LMBR1: variants seen among roughly 807,000 people sequenced by gnomAD.
LMBR1 encodes limb development membrane protein 1.
Under a neutral mutation model 73.9 loss-of-function variants are expected in LMBR1, and 52 were observed. That is an observed-to-expected ratio of 0.70 (90% CI 0.56 to 0.89). The LOEUF is 0.89. LMBR1 is among the 40% of genes least tolerant of loss of function. The probability of loss-of-function intolerance (pLI) is 0.00; values close to 1 mark genes in which losing one functional copy is unlikely to be tolerated. For synonymous variants in LMBR1, 215 were observed against 209.4 expected, an observed-to-expected ratio of 1.03 and a Z score of -0.23; for missense variants, 539 against 579.8, an observed-to-expected ratio of 0.93 and a Z score of 0.72.
chr7:156,671,339 A>T (rs187025331), intron 4 of LMBR1, among the ~76,000 whole-genome samples: 12 of 152,292 alleles, frequency 7.9e-5, no homozygotes, highest in East Asian at 3.9e-4. Flanking sequence ...TGTGTGTGTG[A>T]GTGTGGTAAC....
chr7:156,839,849 A>G (rs1373622816), intron 1 of LMBR1, among the ~76,000 whole-genome samples: 1 of 152,246 alleles, frequency 6.6e-6, no homozygotes, highest in African/African-American at 2.4e-5. Context: ...AAATGTCAAC[A>G]GCATCGCTAC....
chr7:156,780,781 T>G (rs1476236454), intron 5 of LMBR1, among the ~76,000 whole-genome samples: 1 of 152,192 alleles, frequency 6.6e-6, no homozygotes, highest in East Asian at 1.9e-4. Context: ...CAGAATTCAC[T>G]TTCAATTCAG....
intron 1 of LMBR1, among the ~76,000 whole-genome samples, chr7:156,865,705 A>T (rs1233201336): frequency 6.6e-6 from 1 of 152,212 alleles, no homozygotes; most frequent in Non-Finnish European, 1.5e-5. Context: ...TTGTCAAGAC[A>T]GTGTAGTACT....
chr7:156,770,585 AG>A (rs1277899615), intron 5 of LMBR1, among the ~76,000 whole-genome samples: 2 of 152,200 alleles, frequency 1.3e-5, no homozygotes, highest in Non-Finnish European at 2.9e-5. Flanking sequence ...AATTTGTAAA[AG>A]GAACAACAAA....
intron 1 of LMBR1, among the ~76,000 whole-genome samples, chr7:156,837,197 G>A (rs1837796310): frequency 6.6e-6 from 1 of 151,652 alleles, no homozygotes; most frequent in Non-Finnish European, 1.5e-5. Context: ...AGCAGGGCAT[G>A]GTGGCGGTGC....
chr7:156,784,732 A>G (rs1196978341), intron 5 of LMBR1, among the ~76,000 whole-genome samples: 1 of 152,228 alleles, frequency 6.6e-6, no homozygotes, highest in Non-Finnish European at 1.5e-5. Context: ...TTGTGTCTCT[A>G]TTAGATAAAA....
At chr7:156,784,080 C>T (rs770159206) in intron 5 of LMBR1, among the ~76,000 whole-genome samples, 8 of 150,528 alleles carry the variant, frequency 5.3e-5, no homozygotes, top group Non-Finnish European at 1.2e-4. Context: ...TGTAGAATGA[C>T]TCAGCAGCAT....
At chr7:156,802,606 C>A (rs1280136050) in intron 4 of LMBR1, among the ~76,000 whole-genome samples, 3 of 152,132 alleles carry the variant, frequency 2.0e-5, no homozygotes, top group African/African-American at 4.8e-5. Context: ...TAATTTTTAA[C>A]AGCTTTATTG....
chr7:156,864,622 C>T (rs1280387117), intron 1 of LMBR1, among the ~76,000 whole-genome samples: 1 of 152,146 alleles, frequency 6.6e-6, no homozygotes, highest in Non-Finnish European at 1.5e-5. Context: ...AATCCTAACT[C>T]CTAATTTGTG....
chr7:156,800,767 A>G (rs1347831037), intron 4 of LMBR1, among the ~76,000 whole-genome samples: 1 of 152,206 alleles, frequency 6.6e-6, no homozygotes, highest in Non-Finnish European at 1.5e-5. Context: ...AGATGCCATT[A>G]AGAATATCTG....
At chr7:156,699,136 C>T (rs1387249742) in intron 15 of LMBR1, among the ~76,000 whole-genome samples, 1 of 152,126 alleles carries the variant, frequency 6.6e-6, no homozygotes, top group Non-Finnish European at 1.5e-5. Context: ...TGCCACCAGT[C>T]TCTTTGCTAA....
intron 9 of LMBR1, among the ~76,000 whole-genome samples, chr7:156,737,156 A>G (rs752231603): frequency 1.3e-5 from 2 of 152,162 alleles, no homozygotes; most frequent in Non-Finnish European, 2.9e-5. Flanking sequence ...TGTGAGGTAA[A>G]TTTTTAAAGA....
At chr7:156,760,571 A>AAC (rs150542312) in intron 8 of LMBR1, among the ~76,000 whole-genome samples, 1 of 152,132 alleles carries the variant, frequency 6.6e-6, no homozygotes, top group East Asian at 1.9e-4. Context: ...ACAAACAAAC[A>AAC]AACAACAACA....
chr7:156,791,641 C>T (rs1829251453), intron 5 of LMBR1, among the ~76,000 whole-genome samples: 4 of 152,218 alleles, frequency 2.6e-5, no homozygotes, highest in African/African-American at 9.6e-5. Flanking sequence ...GAACTCTTCG[C>T]TTCCACCTGG....
intron 1 of LMBR1, among the ~76,000 whole-genome samples, chr7:156,865,501 T>C (rs1798327191): frequency 6.6e-6 from 1 of 152,160 alleles, no homozygotes. Flanking sequence ...GGATAACACT[T>C]CCCAAATTGA....
At chr7:156,879,065 A>T (rs1390387048) in intron 1 of LMBR1, among the ~76,000 whole-genome samples, 1 of 152,238 alleles carries the variant, frequency 6.6e-6, no homozygotes, top group African/African-American at 2.4e-5. Flanking sequence ...CAAGGACTTA[A>T]ATCTAAGACC....
Position 156,725,402 on chromosome 7 carries a change from G to A in LMBR1, c.1158+33C>T, listed in dbSNP as rs373610241. 11 of 1,328,684 alleles carry A rather than the reference G, an allele frequency of 8.3e-6. No homozygotes were observed. In the East Asian group the frequency reaches 1.2e-4, roughly 14 times the overall value. 82.3% of individuals were successfully genotyped at this position (1,328,684 alleles called of 1,614,324 possible). On this transcript the variant is annotated intron_variant, in intron 14 of 16. Transcript: ENST00000353442. ...AAGCAGTCTGTCAGGGAAGGCAAAC[G>A]AGAGGCCACAGTCACCTAAGATTCT...
chr7:156,773,579 G>A (rs923173653), intron 5 of LMBR1, among the ~76,000 whole-genome samples: 11 of 152,018 alleles, frequency 7.2e-5, no homozygotes, highest in Admixed American at 3.9e-4. Context: ...CAACAAAGTC[G>A]ACAAAAACAA....
intron 4 of LMBR1, among the ~76,000 whole-genome samples, chr7:156,805,215 C>CTTTTTTTTTTTTTTTTTTT (rs58044015): frequency 8.1e-6 from 1 of 122,778 alleles, no homozygotes. Flanking sequence ...ACATCATGCA[C>CTTTTTTTTTTTTTTTTTTT]TTTTTTTTTT....
Sources: gnomAD v4.1 joint callset for allele counts (sites outside exome capture counted in the v4.1 genomes callset) on GRCh38, gnomAD v4.1.1 for gene constraint, MANE v1.5 for transcripts, NCBI Gene and HGNC (gene_info 2026-07-23, HGNC 2026-07-21) for gene names.